ZBTB20: variants seen among roughly 807,000 people sequenced by gnomAD.
ZBTB20 encodes zinc finger and BTB domain-containing protein 20.
Under a neutral mutation model 56.9 loss-of-function variants are expected in ZBTB20, and 9 were observed. That is an observed-to-expected ratio of 0.16 (90% CI 0.10 to 0.28). The LOEUF is 0.28. ZBTB20 is among the 10% of genes least tolerant of loss of function. ZBTB20 has a pLI of 1.00. For synonymous variants in ZBTB20, 417 were observed against 420.7 expected, an observed-to-expected ratio of 0.99 and a Z score of 0.11; for missense variants, 655 against 1,003.0, an observed-to-expected ratio of 0.65 and a Z score of 4.69.
At chr3:114,952,038 T>C (rs2077083307) in intron 3 of ZBTB20, among the ~76,000 whole-genome samples, 1 of 151,706 alleles carries the variant, frequency 6.6e-6, no homozygotes, top group African/African-American at 2.4e-5. Context: ...ATATGAGCAA[T>C]AAAGAAAAAA....
intron 7 of ZBTB20, among the ~76,000 whole-genome samples, chr3:114,444,494 G>A (rs986823811): frequency 6.6e-6 from 1 of 152,148 alleles, no homozygotes; most frequent in Non-Finnish European, 1.5e-5. Context: ...TCTTCAAAGT[G>A]GGATATCACT....
At chr3:115,010,539 A>G (rs2079657238) in intron 2 of ZBTB20, among the ~76,000 whole-genome samples, 1 of 151,980 alleles carries the variant, frequency 6.6e-6, no homozygotes, top group African/African-American at 2.4e-5. Context: ...ATCTTAGCCA[A>G]GACCATAAAG....
At chr3:114,827,264 C>G (rs2073580451) in intron 4 of ZBTB20, among the ~76,000 whole-genome samples, 1 of 151,550 alleles carries the variant, frequency 6.6e-6, no homozygotes, top group African/African-American at 2.4e-5. Flanking sequence ...AATTTTTGAC[C>G]TCTACTGGAA....
At chr3:114,989,565 G>T (rs2078707013) in intron 2 of ZBTB20, among the ~76,000 whole-genome samples, 1 of 152,140 alleles carries the variant, frequency 6.6e-6, no homozygotes, top group South Asian at 2.1e-4. Flanking sequence ...TTTGGCTTAA[G>T]ATTGTCTTGG....
intron 6 of ZBTB20, among the ~76,000 whole-genome samples, chr3:114,578,331 G>A (rs2054301568): frequency 6.6e-6 from 1 of 151,898 alleles, no homozygotes; most frequent in African/African-American, 2.4e-5. Context: ...TCAGTAAGCT[G>A]ATTAGAAAAT....
At chr3:114,689,990 G>A (rs983512224) in intron 6 of ZBTB20, among the ~76,000 whole-genome samples, 5 of 151,974 alleles carry the variant, frequency 3.3e-5, no homozygotes, top group African/African-American at 1.2e-4. Flanking sequence ...ATAATCAGAA[G>A]ATTCAGAGGG....
rs9289003 is a variant in ZBTB20 at position 114,753,368 on chromosome 3, A to G, written c.-343+47733T>C. 3.1e-3 allele frequency among the ~76,000 whole-genome samples: 195 copies of G among 62,720 alleles called. 48 individuals are homozygous for G. Among genetic ancestry groups the G allele is most frequent in the Admixed American group, 4.2e-3 (18 of 4,274 alleles). 41.1% of individuals were successfully genotyped at this position (62,720 alleles called of 152,430 possible). A position where few individuals can be genotyped will look rare whatever the true frequency, so the allele number is the denominator to read the frequency against. On this transcript the variant is annotated intron_variant, in intron 5 of 11. Transcript: ENST00000675478. ...TATGTATACATTATATATAATGTAT[A>G]TATAATGTATATACACATACATGTA...
intron 1 of ZBTB20, chr3:115,103,052 A>G (rs1051364012): frequency 5.3e-5 from 8 of 152,204 alleles, no homozygotes; most frequent in Admixed American, 2.0e-4. Flanking sequence ...TACTAGATTC[A>G]AAGCACAATA....
intron 5 of ZBTB20, among the ~76,000 whole-genome samples, chr3:114,744,450 G>GT (rs1284586811): frequency 5.9e-5 from 9 of 152,096 alleles, no homozygotes; most frequent in Non-Finnish European, 1.3e-4. Context: ...GCTTTAGGGT[G>GT]TTTTTTCCCC....
chr3:114,654,129 C>CT (rs1271570639), intron 6 of ZBTB20, among the ~76,000 whole-genome samples: 2 of 151,360 alleles, frequency 1.3e-5, no homozygotes, highest in Non-Finnish European at 3.0e-5. Context: ...TATTTGTTTT[C>CT]TTTTTTTACT....
chr3:114,513,494 GGT>G (rs1559894087), intron 6 of ZBTB20, among the ~76,000 whole-genome samples: 1 of 152,130 alleles, frequency 6.6e-6, no homozygotes, highest in Non-Finnish European at 1.5e-5. Flanking sequence ...TGGGGTAGGG[GGT>G]GTGTAGAACT....
chr3:114,452,670 T>C (rs1252962091), intron 7 of ZBTB20, among the ~76,000 whole-genome samples: 1 of 152,146 alleles, frequency 6.6e-6, no homozygotes, highest in African/African-American at 2.4e-5. Flanking sequence ...ATTCTATAAT[T>C]ATGGAAAATG....
intron 5 of ZBTB20, among the ~76,000 whole-genome samples, chr3:114,711,738 A>G (rs968926411): frequency 1.3e-5 from 2 of 152,148 alleles, no homozygotes; most frequent in African/African-American, 4.8e-5. Context: ...TATTTTGTGA[A>G]AGTTCCAAGT....
rs184699610 is a variant in ZBTB20, at chr3:114,961,780, A to G, written c.-456+12586T>C. Among the ~76,000 whole-genome samples, 74 of 152,292 alleles carry G rather than the reference A, an allele frequency of 4.9e-4. No individual in the cohort carries two copies. In the East Asian group the frequency reaches 0.013, roughly 26 times the overall value. On this transcript the variant is annotated intron_variant, in intron 3 of 11. Coordinates refer to ENST00000675478, the MANE Select transcript of ZBTB20 (RefSeq NM_001348800.3). ...TCTTTTGATATGCACAGATAATAAA[A>G]GTTCATATAAAACTAAAGGTAATAT... is the stretch of plus-strand genomic sequence containing the variant.
At chr3:114,791,350 C>T (rs1281635996) in intron 5 of ZBTB20, among the ~76,000 whole-genome samples, 1 of 152,114 alleles carries the variant, frequency 6.6e-6, no homozygotes, top group African/African-American at 2.4e-5. Flanking sequence ...GAGAGCTTTC[C>T]ATGCAAACTG....
intron 4 of ZBTB20, among the ~76,000 whole-genome samples, chr3:114,868,537 T>C (rs888145262): frequency 1.3e-5 from 2 of 152,212 alleles, no homozygotes; most frequent in Non-Finnish European, 2.9e-5. Flanking sequence ...TGTCTGCTGC[T>C]GATATATACA....
chr3:114,562,074 T>G (rs1164311677), intron 6 of ZBTB20, among the ~76,000 whole-genome samples: 1 of 152,218 alleles, frequency 6.6e-6, no homozygotes, highest in African/African-American at 2.4e-5. Context: ...CTTCAAACTT[T>G]TCTTCTAAAG....
intron 7 of ZBTB20, among the ~76,000 whole-genome samples, chr3:114,395,073 GGTGAAGATAAAGCT>G (rs2086216102): frequency 6.6e-6 from 1 of 152,090 alleles, no homozygotes; most frequent in African/African-American, 2.4e-5. Context: ...GCAATTCCCA[GGTGAAGATAAAGCT>G]GTCTCAAAGA....
At position 114,397,437 on chromosome 3, in the gene ZBTB20, TTTCC is replaced by T. The variant is rs1341748061; in HGVS notation, c.-254-8336_-254-8333del. ...TATTTTATTTCCTCAGGATATATCT[TTTCC>T]CATGTTCCCTTCGTATCTTGAAGGT... On this transcript the variant is annotated intron_variant, in intron 7 of 11. Transcript: ENST00000675478. Among the ~76,000 whole-genome samples the T allele has an allele frequency of 2.1e-3, 316 of 152,308 alleles. 2 individuals carry two copies. The highest frequency in any genetic ancestry group is 7.1e-3 in the African/African-American group (297 of 41,574).
Sources: gnomAD v4.1 joint callset for allele counts (sites outside exome capture counted in the v4.1 genomes callset) on GRCh38, gnomAD v4.1.1 for gene constraint, MANE v1.5 for transcripts, NCBI Gene and HGNC (gene_info 2026-07-23, HGNC 2026-07-21) for gene names.